Variants in DAB1 observed in about 807,000 individuals in gnomAD.
DAB1 encodes the protein disabled homolog 1.
Under a neutral mutation model 64.6 loss-of-function variants are expected in DAB1, and 15 were observed. That is an observed-to-expected ratio of 0.23 (90% confidence interval 0.16 to 0.36). The LOEUF (loss-of-function observed/expected upper bound fraction) is 0.36. Among genes scored for constraint, DAB1 ranks in the 10% least tolerant of loss-of-function variants. The pLI, the probability that DAB1 is intolerant of heterozygous loss-of-function variation, is 1.00. For synonymous variants in DAB1, 235 were observed against 251.9 expected (o/e 0.93, Z 0.64); for missense variants, 596 against 706.7 (o/e 0.84, Z 1.78).
chr1:57,995,604 T>C (rs1291802844), intron 5 of DAB1, among the ~76,000 whole-genome samples: 1 of 152,182 alleles, frequency 6.6e-6, no homozygotes, highest in Non-Finnish European at 1.5e-5. Flanking sequence ...GAGTAATTAG[T>C]ATTAAAGTGA....
chr1:57,100,216 T>C (rs1291287557), intron 4 of DAB1, among the ~76,000 whole-genome samples: 1 of 152,208 alleles, frequency 6.6e-6, no homozygotes, highest in Non-Finnish European at 1.5e-5. Flanking sequence ...TAGGTTATTA[T>C]GAAGATGAAG....
intron 1 of DAB1, among the ~76,000 whole-genome samples, chr1:57,881,622 C>T (rs996995082): frequency 2.6e-5 from 4 of 152,094 alleles, no homozygotes; most frequent in Admixed American, 2.6e-4. Context: ...AGACACAATA[C>T]GTGACATAGC....
intron 7 of DAB1, among the ~76,000 whole-genome samples, chr1:57,591,522 C>T (rs115784466): frequency 1.6e-3 from 243 of 152,204 alleles, no homozygotes; most frequent in Middle Eastern, 0.01. Context: ...TATCCTAGAG[C>T]AATGGTACAG....
At chr1:58,503,217 T>C (rs116468945) in intron 3 of DAB1, among the ~76,000 whole-genome samples, 1 of 151,986 alleles carries the variant, frequency 6.6e-6, no homozygotes, top group African/African-American at 2.4e-5. Flanking sequence ...CAAGAGAAAA[T>C]CATATTGTTA....
At chr1:58,296,971 A>G (rs1385733032) in intron 4 of DAB1, among the ~76,000 whole-genome samples, 1 of 152,186 alleles carries the variant, frequency 6.6e-6, no homozygotes, top group East Asian at 1.9e-4. Flanking sequence ...ACATATAGCA[A>G]TATTCAGTAA....
intron 5 of DAB1, among the ~76,000 whole-genome samples, chr1:57,913,355 A>G (rs367997857): frequency 2.0e-5 from 3 of 152,216 alleles, no homozygotes; most frequent in East Asian, 3.9e-4. Context: ...AGGATTCCCT[A>G]TTTAATAAAT....
chr1:58,402,826 A>G (rs1644584173), intron 3 of DAB1, among the ~76,000 whole-genome samples: 1 of 152,218 alleles, frequency 6.6e-6, no homozygotes. Flanking sequence ...TAAAGGAGGT[A>G]AACAACGAAA....
chr1:57,948,154 A>T (rs889242916), intron 5 of DAB1, among the ~76,000 whole-genome samples: 1 of 152,128 alleles, frequency 6.6e-6, no homozygotes, highest in South Asian at 2.1e-4. Flanking sequence ...CTGCATAACT[A>T]CTTCTTCAGT....
At chr1:57,739,064 C>A (rs1355458436) in intron 6 of DAB1, among the ~76,000 whole-genome samples, 1 of 152,182 alleles carries the variant, frequency 6.6e-6, no homozygotes, top group Non-Finnish European at 1.5e-5. Flanking sequence ...GGCTAGGGGG[C>A]TGTCAGCTAA....
chr1:57,261,458 G>A (rs573150876), intron 2 of DAB1, among the ~76,000 whole-genome samples: 1 of 152,240 alleles, frequency 6.6e-6, no homozygotes, highest in East Asian at 1.9e-4. Flanking sequence ...TAGCAAGTGT[G>A]TTGTTTACTC....
intron 4 of DAB1, among the ~76,000 whole-genome samples, chr1:58,213,989 TAACTC>T (rs1354984973): frequency 6.6e-6 from 1 of 152,180 alleles, no homozygotes; most frequent in African/African-American, 2.4e-5. Flanking sequence ...TGTGCCCACT[TAACTC>T]TATCTTTCAC....
intron 2 of DAB1, among the ~76,000 whole-genome samples, chr1:57,160,463 CT>C (rs1660640783): frequency 6.6e-6 from 1 of 152,146 alleles, no homozygotes; most frequent in African/African-American, 2.4e-5. Flanking sequence ...GAATCCAAAG[CT>C]TGAGGCTGGG....
At chr1:57,875,945 A>G (rs767752795) in intron 1 of DAB1, among the ~76,000 whole-genome samples, 2 of 152,204 alleles carry the variant, frequency 1.3e-5, no homozygotes, top group African/African-American at 2.4e-5. Flanking sequence ...TTTCTGCTCC[A>G]CAGACTCAGC....
At chr1:57,053,026 C>T (rs1020860529) in intron 9 of DAB1, among the ~76,000 whole-genome samples, 1 of 152,166 alleles carries the variant, frequency 6.6e-6, no homozygotes, top group Admixed American at 6.6e-5. Context: ...AAGCACCTTC[C>T]CATCTTCTTT....
intron 7 of DAB1, among the ~76,000 whole-genome samples, chr1:57,441,774 G>C (rs1334043715): frequency 6.6e-6 from 1 of 152,194 alleles, no homozygotes; most frequent in Non-Finnish European, 1.5e-5. Flanking sequence ...CTTTTTGGTA[G>C]AACAATTTAT....
intron 4 of DAB1, among the ~76,000 whole-genome samples, chr1:57,095,844 G>T (rs909130506): frequency 3.3e-5 from 5 of 152,198 alleles, no homozygotes; most frequent in Non-Finnish European, 5.9e-5. Flanking sequence ...ATTAGGGACA[G>T]TAGCCTATAT....
At chr1:58,407,467 A>C (rs1225922780) in intron 3 of DAB1, among the ~76,000 whole-genome samples, 1 of 152,142 alleles carries the variant, frequency 6.6e-6, no homozygotes, top group East Asian at 1.9e-4. Context: ...TGATATCAGG[A>C]ATGATTTGCC....
Position 57,132,963 on chromosome 1 carries a change from G to A in DAB1, c.306+3580C>T, listed in dbSNP as rs185392574. On this transcript the variant is annotated intron_variant, in intron 4 of 14. Coordinates refer to ENST00000371236, the MANE Select transcript of DAB1 (RefSeq NM_001365792.1). ...TGCTATTATTAGTAACACCTCACTA[G>A]TATCAGAGATTCTGGACCAAGCTAC... Among the ~76,000 whole-genome samples, 616 of 152,220 alleles carry A rather than the reference G, an allele frequency of 4.0e-3. 3 individuals carry two copies. The highest frequency in any genetic ancestry group is 6.7e-3 in the Non-Finnish European group (453 of 68,004).
At chr1:57,502,416 G>T (rs1240040704) in intron 7 of DAB1, among the ~76,000 whole-genome samples, 1 of 152,068 alleles carries the variant, frequency 6.6e-6, no homozygotes, top group Non-Finnish European at 1.5e-5. Flanking sequence ...TTGAAGCAGG[G>T]CGAATAAAGA....
Sources: gnomAD v4.1 joint callset for allele counts (sites outside exome capture counted in the v4.1 genomes callset) on GRCh38, gnomAD v4.1.1 for gene constraint, MANE v1.5 for transcripts, NCBI Gene and HGNC (gene_info 2026-07-23, HGNC 2026-07-21) for gene names.